The following ATIC variants were observed in gnomAD, a reference collection of about 807,000 sequenced individuals.
ATIC encodes 5-aminoimidazole-4-carboxamide ribonucleotide formyltransferase/IMP cyclohydrolase.
ATIC carries 64 observed loss-of-function variants against 72.5 expected under a neutral mutation model. The observed-to-expected ratio is 0.88, with a 90% CI of 0.72 to 1.09. The LOEUF (loss-of-function observed/expected upper bound fraction) is 1.09, where lower values mean the gene tolerates loss of function less well. Among genes scored for constraint, ATIC ranks in the 50% least tolerant of loss-of-function variants. ATIC has a pLI of 0.00. For missense variants in ATIC, 787 were observed against 732.4 expected (o/e 1.07, Z -0.86); for synonymous variants, 281 against 267.1 (o/e 1.05, Z -0.51).
chr2:215,351,092 T>G (rs2053127123), downstream of ATIC, among the ~76,000 whole-genome samples: 1 of 152,212 alleles, frequency 6.6e-6, no homozygotes, highest in Non-Finnish European at 1.5e-5. Flanking sequence ...CAGCCTTAGT[T>G]TCTTGGATTA....
downstream of ATIC, among the ~76,000 whole-genome samples, chr2:215,350,010 A>G (rs1411096321): frequency 6.6e-6 from 1 of 152,176 alleles, no homozygotes; most frequent in Admixed American, 6.5e-5. Context: ...ACCCATCTTA[A>G]AGGTGGAGTA....
In ATIC at chr2:215,336,109, C is replaced by T. The variant is rs1394273899; in HGVS notation, c.1083C>T (p.Asn361=). The T allele has an allele frequency of 1.2e-6, 2 of 1,611,520 alleles. No homozygotes were observed. The highest frequency in any genetic ancestry group is 1.7e-5 in the Admixed American group (1 of 59,998). The change falls in exon 11 of 16, where the codon AAC becomes AAT. Residue 361 remains asparagine, a synonymous_variant. Coordinates refer to ENST00000236959, the MANE Select transcript of ATIC (RefSeq NM_004044.7). The part of the protein sequence containing the change: ...LTILSKKKNG[N]YCVLQMDQSY... ...TACTTTCCAAAAAGAAAAATGGAAA[C>T]TATTGTGTCCTTCAGGTGAGTGCAA...
intron 8 of ATIC, 102 bp from the exon 9 acceptor site, chr2:215,333,248 T>C (rs12995526): frequency 0.54 from 501,083 of 922,674 alleles, 140,036 homozygotes; most frequent in East Asian, 0.73. Context: ...CACTAGAAAA[T>C]GTGCTGCGTA....
chr2:215,361,471 C>G, the ATIC span: 223 of 994,422 alleles, frequency 2.2e-4, no homozygotes, highest in Non-Finnish European at 3.5e-4. Flanking sequence ...AAGAAGAACT[C>G]TAAGCTGGGT....
chr2:215,325,364 G>A (rs1380134698), intron 5 of ATIC, 35 bp downstream of exon 5: 2 of 1,479,636 alleles, frequency 1.4e-6, no homozygotes, highest in East Asian at 2.3e-5. Flanking sequence ...AGACTGAGAG[G>A]AGAGGATTAT....
the ATIC span, among the ~76,000 whole-genome samples, chr2:215,368,248 T>C: frequency 1.5e-4 from 23 of 152,354 alleles, no homozygotes; most frequent in East Asian, 4.4e-3. Flanking sequence ...CCATCTTTTA[T>C]TTTTCCCTTG....
the ATIC span, among the ~76,000 whole-genome samples, chr2:215,359,438 C>G: frequency 1.3e-5 from 2 of 151,212 alleles, no homozygotes; most frequent in East Asian, 3.9e-4. Flanking sequence ...ATGACGTTCT[C>G]TCTCCAGGGT....
chr2:215,342,990 A>G (rs1178946680), intron 12 of ATIC, among the ~76,000 whole-genome samples: 2 of 152,136 alleles, frequency 1.3e-5, no homozygotes, highest in Non-Finnish European at 2.9e-5. Context: ...TCTCTTTGAT[A>G]AATGCCCAGG....
chr2:215,312,816 C>T (rs187822113), intron 2 of ATIC, among the ~76,000 whole-genome samples, 192 bp downstream of exon 2: 22 of 152,204 alleles, frequency 1.4e-4, no homozygotes, highest in Admixed American at 5.2e-4. Flanking sequence ...AGACCCTGGA[C>T]GGCTGGGCTA....
chr2:215,359,402 C>T, the ATIC span, among the ~76,000 whole-genome samples: 3 of 152,278 alleles, frequency 2.0e-5, no homozygotes, highest in African/African-American at 7.2e-5. Context: ...GTTGTCCCTT[C>T]CCACAGTGTG....
At chr2:215,328,024 C>T (rs2052848568) in intron 7 of ATIC, among the ~76,000 whole-genome samples, 1 of 151,942 alleles carries the variant, frequency 6.6e-6, no homozygotes, top group Non-Finnish European at 1.5e-5. Context: ...CAGGTGCGCA[C>T]CACAATGCCT....
chr2:215,324,843 G>A (rs2052805339), intron 4 of ATIC, among the ~76,000 whole-genome samples: 1 of 152,164 alleles, frequency 6.6e-6, no homozygotes, highest in Non-Finnish European at 1.5e-5. Context: ...AAATTCTAAT[G>A]TTCTGGATAA....
At chr2:215,347,175 A>C in intron 14 of ATIC, 1 of 544,816 alleles carries the variant, frequency 1.8e-6, no homozygotes, top group East Asian at 3.4e-5. Context: ...GTCTTTTTAA[A>C]TTGCAGCCTT....
rs141731879 is a variant in ATIC at position 215,344,803 on chromosome 2, C to T, written c.1252C>T (p.Leu418Phe). Residue 418 changes from leucine (L) to phenylalanine (F), a missense_variant, in exon 13 of 16, where the codon CTC becomes TTC. Physicochemically the swap from Leu to Phe is conservative, Grantham distance 22. Coordinates refer to ENST00000236959, the MANE Select transcript of ATIC (RefSeq NM_004044.7). ...GTTGCCAGAGTCTGCCCTCCGAGACCTCATCGTAGCCACCATTGCTGTCAA... is the reference window on the plus strand; with the variant it reads ...GTTGCCAGAGTCTGCCCTCCGAGACTTCATCGTAGCCACCATTGCTGTCAA... Reference protein sequence around the residue: ...KDLPESALRDLIVATIAVKYT... With the variant: ...KDLPESALRDFIVATIAVKYT... 1 of 1,614,022 alleles carries T rather than the reference C, an allele frequency of 6.2e-7. No homozygotes were observed. The highest frequency in any genetic ancestry group is 2.2e-5 in the East Asian group (1 of 44,874).
chr2:215,312,173 G>A lies in ATIC; in HGVS notation c.19+12G>A, dbSNP rs917517527. ...TCCCGGCCAGCTCGGTGAGGCCCTAGCGGAGCGGCGCGGTCTGCGTCCTCG... is the reference window on the plus strand; with the variant it reads ...TCCCGGCCAGCTCGGTGAGGCCCTAACGGAGCGGCGCGGTCTGCGTCCTCG... On this transcript the variant is annotated intron_variant, in intron 1 of 15. Transcript: ENST00000236959. The A allele has an allele frequency of 1.6e-4, 237 of 1,503,600 alleles. No homozygotes were observed. The highest frequency in any genetic ancestry group is 1.9e-4 in the Non-Finnish European group (217 of 1,134,196). 93.1% of individuals were successfully genotyped at this position (1,503,600 alleles called of 1,614,324 possible).
intron 2 of ATIC, among the ~76,000 whole-genome samples, chr2:215,314,198 C>T (rs60176987): frequency 0.031 from 4,725 of 152,236 alleles, 240 homozygotes; most frequent in African/African-American, 0.11. Flanking sequence ...AAATGTGTTT[C>T]TCTTCTATGA....
intron 11 of ATIC, 87 bp from the exon 12 acceptor site, chr2:215,338,692 T>C: frequency 7.1e-7 from 1 of 1,410,634 alleles, no homozygotes; most frequent in Non-Finnish European, 9.7e-7. Context: ...TAACTTTACT[T>C]ACAATGAAAT....
chr2:215,337,658 C>T (rs193283522), intron 11 of ATIC, among the ~76,000 whole-genome samples: 6 of 152,210 alleles, frequency 3.9e-5, no homozygotes, highest in East Asian at 1.9e-4. Flanking sequence ...TGAGCCACCG[C>T]GCCTGGCCCC....
chr2:215,355,534 C>T, the ATIC span, among the ~76,000 whole-genome samples: 1 of 152,196 alleles, frequency 6.6e-6, no homozygotes, highest in Non-Finnish European at 1.5e-5. Context: ...CTTTCTAAAG[C>T]CCAGCCTATG....
Sources: allele counts gnomAD v4.1 joint callset (sites outside exome capture counted in the v4.1 genomes callset), GRCh38; gene constraint gnomAD v4.1.1; transcripts MANE v1.5; gene names NCBI Gene and HGNC (gene_info 2026-07-23, HGNC 2026-07-21).